The following DGKB variants were observed in gnomAD, a reference collection of about 807,000 sequenced individuals.
DGKB encodes the protein diacylglycerol kinase beta, also known as 90 kDa diacylglycerol kinase.
Under a neutral mutation model 114.3 loss-of-function variants are expected in DGKB, and 67 were observed. The observed-to-expected ratio is 0.59, with a 90% CI of 0.48 to 0.72. DGKB has a LOEUF of 0.72. Among genes scored for constraint, DGKB ranks in the 30% least tolerant of loss-of-function variants. The pLI, the probability that DGKB is intolerant of heterozygous loss-of-function variation, is 0.00. For missense variants in DGKB, 907 were observed against 975.2 expected, an observed-to-expected ratio of 0.93 and a Z score of 0.93; for synonymous variants, 398 against 323.1, an observed-to-expected ratio of 1.23 and a Z score of -2.49.
chr7:14,557,398 T>A (rs1796025725), intron 20 of DGKB, among the ~76,000 whole-genome samples: 1 of 152,168 alleles, frequency 6.6e-6, no homozygotes. Context: ...TTTGTGCCGG[T>A]CTATGTGTAT....
intron 20 of DGKB, among the ~76,000 whole-genome samples, chr7:14,557,463 T>C (rs549712497): frequency 1.3e-5 from 2 of 152,264 alleles, no homozygotes; most frequent in South Asian, 4.1e-4. Flanking sequence ...TCTGTCATTA[T>C]ACTTCCGCTC....
chr7:14,623,769 C>A (rs537616759), intron 14 of DGKB, among the ~76,000 whole-genome samples: 123 of 152,182 alleles, frequency 8.1e-4, no homozygotes, highest in African/African-American at 2.9e-3. Context: ...AAAGTTCCTT[C>A]TTTTTAAGTT....
intron 15 of DGKB, among the ~76,000 whole-genome samples, chr7:14,619,889 C>T (rs1486152804): frequency 2.0e-5 from 3 of 151,612 alleles, no homozygotes; most frequent in African/African-American, 4.8e-5. Flanking sequence ...ATGATATATG[C>T]TTCCCATCTG....
At chr7:14,933,938 G>A (rs961280251) in intron 1 of DGKB, among the ~76,000 whole-genome samples, 3 of 152,084 alleles carry the variant, frequency 2.0e-5, no homozygotes, top group African/African-American at 7.2e-5. Flanking sequence ...TTGTGCTCCT[G>A]ACTATATATC....
At chr7:14,835,296 C>T (rs1846995381) in intron 2 of DGKB, among the ~76,000 whole-genome samples, 1 of 152,202 alleles carries the variant, frequency 6.6e-6, no homozygotes. Context: ...TCATATTCAA[C>T]TGCCTCAGCC....
chr7:14,749,146 G>C (rs1833772791), intron 4 of DGKB, among the ~76,000 whole-genome samples: 1 of 152,094 alleles, frequency 6.6e-6, no homozygotes, highest in African/African-American at 2.4e-5. Flanking sequence ...ATCTTACTGA[G>C]ATTTCAAAAT....
chr7:14,216,014 T>C (rs1202839129), intron 23 of DGKB, among the ~76,000 whole-genome samples: 1 of 152,196 alleles, frequency 6.6e-6, no homozygotes, highest in African/African-American at 2.4e-5. Flanking sequence ...CCAAGTTTTA[T>C]GTTAGAACTT....
At chr7:14,547,117 C>G (rs947138224) in intron 20 of DGKB, among the ~76,000 whole-genome samples, 1 of 152,106 alleles carries the variant, frequency 6.6e-6, no homozygotes, top group African/African-American at 2.4e-5. Flanking sequence ...TTTTAAAGGT[C>G]AAAATCCTTT....
intron 6 of DGKB, among the ~76,000 whole-genome samples, chr7:14,717,529 C>G (rs560459120): frequency 1.3e-5 from 2 of 151,982 alleles, no homozygotes; most frequent in African/African-American, 4.8e-5. Flanking sequence ...ATGGTTTATT[C>G]ATAACCTAAG....
intron 1 of DGKB, among the ~76,000 whole-genome samples, chr7:14,917,205 A>C (rs1209226909): frequency 6.6e-6 from 1 of 152,088 alleles, no homozygotes; most frequent in Admixed American, 6.5e-5. Flanking sequence ...ATCAACAATC[A>C]AGTCTTCCAT....
chr7:14,659,051 C>A (rs1345027487), intron 13 of DGKB, among the ~76,000 whole-genome samples: 1 of 151,904 alleles, frequency 6.6e-6, no homozygotes, highest in Non-Finnish European at 1.5e-5. Context: ...GGTATTTGTC[C>A]TAATGTTCTC....
chr7:14,468,585 T>C (rs2128882316), intron 21 of DGKB, among the ~76,000 whole-genome samples: 1 of 149,478 alleles, frequency 6.7e-6, no homozygotes, highest in East Asian at 2.0e-4. Flanking sequence ...CTGTTACATA[T>C]ATATATTGTT....
intron 21 of DGKB, among the ~76,000 whole-genome samples, chr7:14,366,652 A>G (rs1816724006): frequency 1.3e-5 from 2 of 152,168 alleles, no homozygotes; most frequent in African/African-American, 4.8e-5. Context: ...TTGCACCTGA[A>G]GCCAAATCCA....
intron 21 of DGKB, among the ~76,000 whole-genome samples, chr7:14,441,055 C>T (rs779438802): frequency 7.2e-5 from 11 of 151,866 alleles, no homozygotes; most frequent in East Asian, 5.8e-4. Flanking sequence ...CTTGCTCTGT[C>T]GCCCAGGCTG....
chr7:14,331,308 A>G (rs529535516), intron 23 of DGKB, among the ~76,000 whole-genome samples: 3 of 152,170 alleles, frequency 2.0e-5, no homozygotes, highest in African/African-American at 4.8e-5. Context: ...AACCAGGTGT[A>G]ATAATGCTGC....
chr7:14,700,829 T>C (rs1321525439), intron 7 of DGKB, among the ~76,000 whole-genome samples: 1 of 152,182 alleles, frequency 6.6e-6, no homozygotes, highest in Non-Finnish European at 1.5e-5. Flanking sequence ...ATTAAATACA[T>C]TAAAAATGGT....
intron 2 of DGKB, among the ~76,000 whole-genome samples, chr7:14,820,605 A>C (rs1844792835): frequency 6.6e-6 from 1 of 152,220 alleles, no homozygotes; most frequent in Non-Finnish European, 1.5e-5. Flanking sequence ...ACTTCAAACT[A>C]TTTCAAATTA....
intron 21 of DGKB, among the ~76,000 whole-genome samples, chr7:14,385,086 T>C: frequency 6.6e-6 from 1 of 152,242 alleles, no homozygotes; most frequent in East Asian, 1.9e-4. Flanking sequence ...TCCTTGTTTT[T>C]ATTCTCCGAA....
intron 2 of DGKB, among the ~76,000 whole-genome samples, chr7:14,771,332 G>C (rs533933568): frequency 6.6e-6 from 1 of 152,198 alleles, no homozygotes; most frequent in South Asian, 2.1e-4. Context: ...CCTGTACCCG[G>C]TAACAGAAAT....
Sources: gnomAD v4.1 joint callset for allele counts (sites outside exome capture counted in the v4.1 genomes callset) on GRCh38, gnomAD v4.1.1 for gene constraint, MANE v1.5 for transcripts, NCBI Gene and HGNC (gene_info 2026-07-23, HGNC 2026-07-21) for gene names.